The following GSG1L2 variants were observed in gnomAD, a reference collection of about 807,000 sequenced individuals.
GSG1L2 encodes germ cell-specific gene 1-like protein 2.
A neutral mutation model predicts 9.0 loss-of-function variants in GSG1L2; 15 were observed. The observed-to-expected ratio is 1.67, with a 90% confidence interval of 1.12 to 2.57. The LOEUF (loss-of-function observed/expected upper bound fraction) is 2.57. Among genes scored for constraint, GSG1L2 ranks in the 30% most tolerant of loss-of-function variants. The pLI, the probability that GSG1L2 is intolerant of heterozygous loss-of-function variation, is 0.00. For missense variants in GSG1L2, 286 were observed against 150.3 expected (o/e 1.90, Z -4.72); for synonymous variants, 127 against 57.9 (o/e 2.19, Z -5.41).
At position 9,807,570 on chromosome 17, in the gene GSG1L2, G is replaced by GTA. The variant is rs2066520901; in HGVS notation, c.541_542dup (p.Thr183GlnfsTer8). ...TCACAGTGATTTGAAAAATGGTTGTGTACATCATGTGGGCCACCATGCCTA... is the reference window on the plus strand; with the variant it reads ...TCACAGTGATTTGAAAAATGGTTGTGTATACATCATGTGGGCCACCATGCCTA... On this transcript the variant is annotated frameshift_variant, in exon 4 of 5. Coordinates refer to ENST00000399363, the MANE Select transcript of GSG1L2 (RefSeq NM_001310219.2). LOFTEE classifies it high-confidence loss of function. 5.7e-6 allele frequency: 4 copies of GTA among 703,314 alleles called. No homozygotes were observed. In the East Asian group the frequency reaches 1.1e-4, roughly 19 times the overall value. The allele number at this position is 703,314 out of a possible 1,614,324, so 43.6% of individuals were successfully genotyped here.
intron 1 of GSG1L2, among the ~76,000 whole-genome samples, chr17:9,812,506 A>G (rs1256006707): frequency 1.3e-5 from 2 of 152,270 alleles, no homozygotes; most frequent in Admixed American, 1.3e-4. Context: ...ACAAATTACC[A>G]TAGATGGGGT....
chr17:9,815,257 GCAT>G (rs1381191173), intron 1 of GSG1L2, among the ~76,000 whole-genome samples: 1 of 152,184 alleles, frequency 6.6e-6, no homozygotes, highest in African/African-American at 2.4e-5. Flanking sequence ...GGGTGTGGTG[GCAT>G]GCGCCTGTAA....
chr17:9,809,805 C>T (rs944349124), intron 2 of GSG1L2: 2 of 152,432 alleles, frequency 1.3e-5, no homozygotes, highest in African/African-American at 4.8e-5. Flanking sequence ...CTAGCCTCAC[C>T]TCTCACCATG....
intron 1 of GSG1L2, among the ~76,000 whole-genome samples, chr17:9,818,719 A>G (rs923729873): frequency 6.6e-6 from 1 of 151,994 alleles, no homozygotes; most frequent in Non-Finnish European, 1.5e-5. Flanking sequence ...GAACAGGGCT[A>G]AACTATTCGT....
chr17:9,809,165 G>A (rs1012963837), intron 2 of GSG1L2, 183 bp from the exon 3 acceptor site: 1 of 591,866 alleles, frequency 1.7e-6, no homozygotes, highest in Admixed American at 2.7e-5. Flanking sequence ...AGGGCTGAAA[G>A]AGACGGTTGT....
intron 1 of GSG1L2, among the ~76,000 whole-genome samples, chr17:9,818,258 A>G (rs1203349283): frequency 6.6e-6 from 1 of 152,188 alleles, no homozygotes; most frequent in Non-Finnish European, 1.5e-5. Context: ...GGAATCTGCC[A>G]ATCACACAGT....
At chr17:9,813,551 C>T (rs1203021426) in intron 1 of GSG1L2, among the ~76,000 whole-genome samples, 9 of 152,198 alleles carry the variant, frequency 5.9e-5, no homozygotes, top group Non-Finnish European at 8.8e-5. Context: ...GCAGCAGTAT[C>T]ACGGTCACAG....
intron 1 of GSG1L2, among the ~76,000 whole-genome samples, chr17:9,813,965 C>T (rs534038517): frequency 1.3e-5 from 2 of 151,720 alleles, no homozygotes; most frequent in South Asian, 2.1e-4. Context: ...GACGGAGGCT[C>T]GCTCTGTCGC....
chr17:9,812,578 T>TCTCA (rs1233230129), intron 1 of GSG1L2, among the ~76,000 whole-genome samples: 2 of 152,124 alleles, frequency 1.3e-5, no homozygotes, highest in Admixed American at 6.6e-5. Flanking sequence ...GATGCCTGCA[T>TCTCA]GGTGGGGTTC....
At chr17:9,809,207 G>T in intron 2 of GSG1L2, 1 of 523,046 alleles carries the variant, frequency 1.9e-6, no homozygotes. Context: ...GGGCGGTGGG[G>T]TGGGGGCGGG....
chr17:9,821,006 CA>C (rs571894954), intron 1 of GSG1L2, among the ~76,000 whole-genome samples: 195 of 151,960 alleles, frequency 1.3e-3, no homozygotes, highest in African/African-American at 4.5e-3. Flanking sequence ...GCCTCAGGAA[CA>C]AAAATCAAAT....
In GSG1L2 at chr17:9,816,610, GTCTGTGTGTC is replaced by G. The variant is rs1462982260; in HGVS notation, c.310+5142_310+5151del. Reference sequence around the variant, plus strand: ...CGTGCGTGTCTGTGTGTCTGTGTGTGTCTGTGTGTCTGTTTTGCATGTCTGTGTGCGTGTC... The same window carrying G: ...CGTGCGTGTCTGTGTGTCTGTGTGTGTGTTTTGCATGTCTGTGTGCGTGTC... On this transcript the variant is annotated intron_variant, in intron 1 of 4. Transcript: ENST00000399363. 1.6e-4 allele frequency among the ~76,000 whole-genome samples: 6 copies of G among 37,090 alleles called. No homozygotes were observed. The Admixed American group carries it at 1.9e-3, about 11-fold the overall frequency. 24.3% of individuals were successfully genotyped at this position (37,090 alleles called of 152,430 possible).
At chr17:9,804,586 C>T (rs1424283942) in intron 4 of GSG1L2, 2 of 152,184 alleles carry the variant, frequency 1.3e-5, no homozygotes, top group East Asian at 3.8e-4. Flanking sequence ...GGATGATTCC[C>T]TTCTGAAGAC....
chr17:9,801,843 T>A lies in GSG1L2; in HGVS notation c.*543A>T, dbSNP rs2066497975. On this transcript the variant is annotated 3_prime_UTR_variant, in exon 5 of 5. Coordinates refer to ENST00000399363, the MANE Select transcript of GSG1L2 (RefSeq NM_001310219.2). Reference sequence around the variant, plus strand: ...TTACTATGAGTAGAAACACAAAATTTCCAAGAAAAAATATTTTAAAAAATA... The same window carrying A: ...TTACTATGAGTAGAAACACAAAATTACCAAGAAAAAATATTTTAAAAAATA... Among the ~76,000 whole-genome samples the A allele has an allele frequency of 1.3e-5, 2 of 152,190 alleles. No individual in the cohort carries two copies. Among genetic ancestry groups the A allele is most frequent in the Admixed American group, 1.3e-4 (2 of 15,280 alleles).
intron 1 of GSG1L2, among the ~76,000 whole-genome samples, chr17:9,813,438 C>G (rs2066546954): frequency 6.6e-6 from 1 of 152,208 alleles, no homozygotes; most frequent in Non-Finnish European, 1.5e-5. Flanking sequence ...CTGAGGGCAA[C>G]AGGATCAGGG....
intron 2 of GSG1L2, chr17:9,809,478 G>A (rs1020231777): frequency 7.7e-5 from 12 of 156,414 alleles, no homozygotes; most frequent in Non-Finnish European, 1.4e-4. Flanking sequence ...GTACCTGAGA[G>A]GGTGGCTGTG....
rs1369203467 is a variant in GSG1L2 at position 9,807,550 on chromosome 17, G to A, written c.563C>T (p.Thr188Ile). 7 of 703,260 alleles carry A rather than the reference G, an allele frequency of 1.0e-5. No individual in the cohort carries two copies. Among genetic ancestry groups the A allele is most frequent in the Middle Eastern group, 2.3e-4 (1 of 4,374 alleles). 43.6% of individuals were successfully genotyped at this position (703,260 alleles called of 1,614,324 possible). Residue 188 changes from threonine (T) to isoleucine (I), a missense_variant, in exon 4 of 5, where the codon ACT becomes ATT. By Grantham distance (89) the Thr-to-Ile change is moderately conservative. Transcript: ENST00000399363. ...CCAATCTTCTGGTCCAAGGTTCACA[G>A]TGATTTGAAAAATGGTTGTGTACAT... ...HMMYTTIFQI[T>I]VNLGPEDWKP...
intron 1 of GSG1L2, among the ~76,000 whole-genome samples, chr17:9,814,829 C>T (rs1282835113): frequency 6.6e-6 from 1 of 152,168 alleles, no homozygotes; most frequent in African/African-American, 2.4e-5. Flanking sequence ...CCCCACTCCG[C>T]CCCTATCCTT....
At chr17:9,818,501 ATTTTTTTTTTTTTTT>A (rs377057350) in intron 1 of GSG1L2, among the ~76,000 whole-genome samples, 1 of 82,800 alleles carries the variant, frequency 1.2e-5, no homozygotes, top group African/African-American at 4.8e-5. Flanking sequence ...ACACAGCTAA[ATTTTTTTTTTTTTTT>A]TTTTTTTTTT....
Sources: gnomAD v4.1 joint callset for allele counts (sites outside exome capture counted in the v4.1 genomes callset) on GRCh38, gnomAD v4.1.1 for gene constraint, MANE v1.5 for transcripts, NCBI Gene and HGNC (gene_info 2026-07-23, HGNC 2026-07-21) for gene names.